DNAI4: variants seen among roughly 807,000 people sequenced by gnomAD.
The protein encoded by DNAI4 is dynein axonemal intermediate chain 4.
A neutral mutation model predicts 105.8 loss-of-function variants in DNAI4; 85 were observed. The ratio of observed to expected loss-of-function variants is 0.80; its 90% CI spans 0.67 to 0.96. The LOEUF (loss-of-function observed/expected upper bound fraction) is 0.96. Among genes scored for constraint, DNAI4 ranks in the 40% least tolerant of loss-of-function variants. DNAI4 has a pLI of 0.00. For missense variants in DNAI4, 1,014 were observed against 1,005.6 expected (o/e 1.01, Z -0.11); for synonymous variants, 352 against 331.5 (o/e 1.06, Z -0.67).
At chr1:66,853,321 C>G (rs72671673) in intron 7 of DNAI4, among the ~76,000 whole-genome samples, 16,580 of 152,222 alleles carry the variant, frequency 0.11, 1,043 homozygotes, top group Middle Eastern at 0.19. Flanking sequence ...GAAAACACGG[C>G]TGAGTCAGGG....
At position 66,890,889 on chromosome 1, in the gene DNAI4, A is replaced by AAGC. The variant is rs1647573196; in HGVS notation, c.643+262_643+264dup. The AAGC allele has an allele frequency of 2.0e-6, 1 of 493,242 alleles. No individual in the cohort carries two copies. The highest frequency in any genetic ancestry group is 3.6e-6 in the Non-Finnish European group (1 of 276,618). 30.6% of individuals were successfully genotyped at this position (493,242 alleles called of 1,614,324 possible). On this transcript the variant is annotated intron_variant, in intron 4 of 16. Transcript: ENST00000371026. This position sits in a 1 kb window ranked among gnomAD's most constrained non-coding sequence, Gnocchi z 4.1. The stretch of plus-strand genomic sequence containing the variant: ...GAGGAAGAAGAAGAAGAAGAAGCAG[A>AAGC]AGCAGCAGCAGCAACAGCAGCAGCA...
At position 66,836,198 on chromosome 1, in the gene DNAI4, AAGAAAGAAAGAGAGAGAGAGAGAGAGAG is replaced by A. The variant is rs1557908195; in HGVS notation, c.1582-449_1582-422del. On this transcript the variant is annotated intron_variant, in intron 10 of 16. Transcript: ENST00000371026. ...AAAGAAAGAAAGAAAGAAAGAAAGA[AAGAAAGAAAGAGAGAGAGAGAGAGAGAG>A]AGAGAGAGAAAGAAAGAAAGAGAGA... is the stretch of plus-strand genomic sequence containing the variant. Among the ~76,000 whole-genome samples the A allele has an allele frequency of 1.6e-3, 102 of 63,036 alleles. 1 individual carries two copies. The highest frequency in any genetic ancestry group is 5.2e-3 in the African/African-American group (95 of 18,394). The allele number at this position is 63,036 out of a possible 152,430, so 41.4% of individuals were successfully genotyped here. A position where few individuals can be genotyped will look rare whatever the true frequency, so the allele number is the denominator to read the frequency against.
chr1:66,840,376 G>T, intron 9 of DNAI4, 93 bp downstream of exon 9: 3 of 1,191,318 alleles, frequency 2.5e-6, no homozygotes, highest in Non-Finnish European at 3.7e-6. Flanking sequence ...AATTCCTTGT[G>T]CCATATCTAA....
chr1:66,837,850 G>A, intron 9 of DNAI4, 54 bp from the exon 10 acceptor site: 1 of 1,450,186 alleles, frequency 6.9e-7, no homozygotes, highest in Non-Finnish European at 9.4e-7. Context: ...TTAAAATATT[G>A]GTAAATGTAT....
intron 2 of DNAI4, among the ~76,000 whole-genome samples, chr1:66,903,813 T>C (rs920705289): frequency 2.6e-5 from 4 of 152,170 alleles, no homozygotes; most frequent in Non-Finnish European, 5.9e-5. Flanking sequence ...TTTATTTCTT[T>C]TCCTTGCTCA....
intron 13 of DNAI4, among the ~76,000 whole-genome samples, chr1:66,832,055 C>T (rs1292043405): frequency 6.6e-6 from 1 of 152,128 alleles, no homozygotes; most frequent in Non-Finnish European, 1.5e-5. Context: ...CTTCCCCACC[C>T]TCACCTCAAT....
intron 2 of DNAI4, among the ~76,000 whole-genome samples, chr1:66,895,456 C>A (rs993628744): frequency 1.8e-4 from 27 of 152,092 alleles, no homozygotes; most frequent in Non-Finnish European, 3.7e-4. Context: ...ATGATCAGAG[C>A]AAGACTCATC....
At chr1:66,867,149 G>A (rs947861669) in intron 6 of DNAI4, among the ~76,000 whole-genome samples, 23 of 152,202 alleles carry the variant, frequency 1.5e-4, no homozygotes, top group African/African-American at 5.5e-4. Flanking sequence ...TGGGAACACA[G>A]CCAAGCATAT....
In DNAI4 at chr1:66,905,078, C is replaced by A. The variant is rs891197710; in HGVS notation, c.345+123G>T. ...TGGAATAATATGTGGTAAAAATTAACAAAATCAGTATTTCAAAATTATGAG... is the reference window on the plus strand; with the variant it reads ...TGGAATAATATGTGGTAAAAATTAAAAAAATCAGTATTTCAAAATTATGAG... On this transcript the variant is annotated intron_variant, in intron 2 of 16. Transcript: ENST00000371026. 4.5e-5 allele frequency: 35 copies of A among 785,872 alleles called. No individual in the cohort carries two copies. In the African/African-American group the frequency reaches 5.8e-4, roughly 13 times the overall value. The allele number at this position is 785,872 out of a possible 1,614,324, so 48.7% of individuals were successfully genotyped here.
intron 1 of DNAI4, among the ~76,000 whole-genome samples, chr1:66,916,698 G>A (rs1384796517): frequency 2.6e-5 from 4 of 152,140 alleles, no homozygotes; most frequent in South Asian, 2.1e-4. Flanking sequence ...GGGTTTTCTT[G>A]AAGCATTAAC....
chr1:66,924,799 G>C lies in DNAI4; in HGVS notation c.33C>G (p.Ala11=), dbSNP rs767558804. ...CCCAAGCTCCTCCGTTAGCGGCTCGGGCCGAGGCTCCGGAATGTTTGCCGG... is the reference window on the plus strand; with the variant it reads ...CCCAAGCTCCTCCGTTAGCGGCTCGCGCCGAGGCTCCGGAATGTTTGCCGG... MTPGKHSGAS[A]RAANGGAWGY... Residue 11 remains alanine (A), a synonymous_variant, in exon 1 of 17, where the codon GCC becomes GCG. Coordinates refer to ENST00000371026, the MANE Select transcript of DNAI4 (RefSeq NM_024763.5). The C allele has an allele frequency of 6.2e-7, 1 of 1,614,016 alleles. No individual in the cohort carries two copies. Among genetic ancestry groups the C allele is most frequent in the African/African-American group, 1.3e-5 (1 of 74,938 alleles).
chr1:66,859,130 C>T (rs1295713476), intron 7 of DNAI4, among the ~76,000 whole-genome samples: 1 of 152,010 alleles, frequency 6.6e-6, no homozygotes, highest in Non-Finnish European at 1.5e-5. Context: ...CCTTAAAACT[C>T]AATAAGAAAA....
chr1:66,848,247 A>G (rs929786441), intron 7 of DNAI4: 7 of 456,100 alleles, frequency 1.5e-5, no homozygotes, highest in African/African-American at 4.0e-5. Context: ...ATCTTCAAAG[A>G]CAGCAACATT....
Position 66,924,762 on chromosome 1 carries a change from A to C in DNAI4, c.70T>G (p.Phe24Val), listed in dbSNP as rs779268125. 1.2e-6 allele frequency: 2 copies of C among 1,614,146 alleles called. No individual in the cohort carries two copies. The highest frequency in any genetic ancestry group is 2.2e-5 in the East Asian group (1 of 44,862). The change falls in exon 1 of 17, where the codon TTC (phenylalanine) becomes GTC (valine). Residue 24 changes from phenylalanine to valine, a missense_variant. Phe to Val is a conservative substitution (Grantham distance 50). Coordinates refer to ENST00000371026, the MANE Select transcript of DNAI4 (RefSeq NM_024763.5). ...ANGGAWGYRD[F>V]RGGQKKGWCT... ...CACCCCTTTTTTTGGCCGCCTCTGA[A>C]GTCCCTGTACCCCCAAGCTCCTCCG...
chr1:66,869,858 G>T (rs997842862), intron 6 of DNAI4, among the ~76,000 whole-genome samples: 5 of 152,044 alleles, frequency 3.3e-5, no homozygotes, highest in Admixed American at 6.5e-5. Context: ...GGAAAGCAGG[G>T]GAATAACCGT....
chr1:66,846,945 C>T (rs1475695368), intron 8 of DNAI4, among the ~76,000 whole-genome samples: 2 of 152,092 alleles, frequency 1.3e-5, no homozygotes, highest in Non-Finnish European at 1.5e-5. Context: ...AGGAAGAATG[C>T]TTCTGCAATA....
intron 16 of DNAI4, 40 bp from the exon 17 acceptor site, chr1:66,814,220 G>A: frequency 6.6e-7 from 1 of 1,508,462 alleles, no homozygotes; most frequent in South Asian, 1.2e-5. Context: ...GCAATAAAAT[G>A]CAAATTAAAA....
chr1:66,848,206 A>G (rs953752247), intron 7 of DNAI4: 5 of 455,952 alleles, frequency 1.1e-5, no homozygotes, highest in Admixed American at 7.1e-5. Context: ...TGATTTTTTC[A>G]GTTTCTGGGG....
At chr1:66,822,308 A>C (rs981097279) in intron 16 of DNAI4, 53 bp downstream of exon 16, 1 of 1,444,762 alleles carries the variant, frequency 6.9e-7, no homozygotes, top group Non-Finnish European at 9.3e-7. Flanking sequence ...CTACAAAAGT[A>C]TAACTGAATA....
Sources: gnomAD v4.1 joint callset for allele counts (sites outside exome capture counted in the v4.1 genomes callset) on GRCh38, gnomAD v4.1.1 for gene constraint, Gnocchi (gnomAD v3.1) non-coding constraint, MANE v1.5 for transcripts, NCBI Gene and HGNC (gene_info 2026-07-23, HGNC 2026-07-21) for gene names.